Variants in AKAIN1 observed in about 807,000 individuals in gnomAD.
The protein encoded by AKAIN1 is A-kinase anchor inhibitor 1, also known as A-kinase anchor protein inhibitor 1.
Under a neutral mutation model 3.7 loss-of-function variants are expected in AKAIN1, and 3 were observed. The observed-to-expected ratio is 0.82, with a 90% CI of 0.37 to 2.12. The LOEUF (loss-of-function observed/expected upper bound fraction) is 2.12, where lower values mean the gene tolerates loss of function less well. Ranked by LOEUF, AKAIN1 falls within the 30% of genes most tolerant of loss-of-function variation. The pLI is 0.06. For missense variants in AKAIN1, 82 were observed against 82.7 expected (o/e 0.99, Z 0.03); for synonymous variants, 31 against 30.8 (o/e 1.01, Z -0.02).
chr18:5,156,089 C>T (rs866279142), intron 1 of AKAIN1, among the ~76,000 whole-genome samples: 1 of 152,116 alleles, frequency 6.6e-6, no homozygotes, highest in African/African-American at 2.4e-5. Flanking sequence ...CCTGTCCCCA[C>T]TCAGATAAGA....
At chr18:5,188,933 T>C (rs1053793423) in intron 1 of AKAIN1, among the ~76,000 whole-genome samples, 4 of 152,224 alleles carry the variant, frequency 2.6e-5, no homozygotes, top group African/African-American at 9.6e-5. Flanking sequence ...CTTACAATTA[T>C]GACTTTCTTT....
chr18:5,147,899 C>G (rs1447034906), intron 1 of AKAIN1, among the ~76,000 whole-genome samples: 3 of 152,304 alleles, frequency 2.0e-5, no homozygotes, highest in African/African-American at 7.2e-5. Flanking sequence ...TGAAGAGTCA[C>G]GAAGGCATAG....
intron 1 of AKAIN1, among the ~76,000 whole-genome samples, chr18:5,148,198 T>G (rs1203945205): frequency 6.6e-6 from 1 of 152,194 alleles, no homozygotes; most frequent in Non-Finnish European, 1.5e-5. Flanking sequence ...ATAGGACAGC[T>G]CACACAAGAG....
intron 1 of AKAIN1, among the ~76,000 whole-genome samples, chr18:5,193,772 T>C (rs1212796218): frequency 6.6e-6 from 1 of 152,180 alleles, no homozygotes; most frequent in Non-Finnish European, 1.5e-5. Flanking sequence ...AAGAGCACTG[T>C]ATTAGAAGTA....
At chr18:5,170,584 C>T (rs1178767875) in intron 1 of AKAIN1, 1 of 152,092 alleles carries the variant, frequency 6.6e-6, no homozygotes, top group Middle Eastern at 3.2e-3. Context: ...TGTGTGTTGA[C>T]TCATTTAATT....
chr18:5,177,791 A>C (rs750410238), intron 1 of AKAIN1, among the ~76,000 whole-genome samples: 8 of 152,134 alleles, frequency 5.3e-5, no homozygotes, highest in Non-Finnish European at 1.0e-4. Flanking sequence ...TCCCTGTTTG[A>C]AATCTGCAGT....
At position 5,143,383 on chromosome 18, in the gene AKAIN1, C is replaced by G. The variant is rs887767737; in HGVS notation, c.*2179G>C. On this transcript the variant is annotated 3_prime_UTR_variant, in exon 2 of 2. Transcript: ENST00000434239. ...TAGTCATATCTCTGTTCCTTGCTGT[C>G]GATTTTCCATCTCAAAAATTATGGC... 6.6e-6 allele frequency among the ~76,000 whole-genome samples: 1 copy of G among 152,192 alleles called. No individual in the cohort carries two copies. Among genetic ancestry groups the G allele is most frequent in the Non-Finnish European group, 1.5e-5 (1 of 68,040 alleles).
intron 1 of AKAIN1, among the ~76,000 whole-genome samples, chr18:5,149,205 A>G (rs920967155): frequency 6.6e-6 from 1 of 152,200 alleles, no homozygotes; most frequent in Non-Finnish European, 1.5e-5. Context: ...TTGTGGGACA[A>G]AGAGAGCAGC....
chr18:5,192,365 G>A (rs2071323053), intron 1 of AKAIN1, among the ~76,000 whole-genome samples: 1 of 150,342 alleles, frequency 6.7e-6, no homozygotes, highest in South Asian at 2.1e-4. Flanking sequence ...CTACAGGCAT[G>A]TGCAACCACA....
In AKAIN1 at chr18:5,179,736, G is replaced by A. The variant is rs535692955; in HGVS notation, c.16+17302C>T. On this transcript the variant is annotated intron_variant, in intron 1 of 1. Transcript: ENST00000434239. ...TTCAAGTAGAAGATAAACTTCAAGGGCTTAAGTTAGGACACACATCAAATA... is the reference window on the plus strand; with the variant it reads ...TTCAAGTAGAAGATAAACTTCAAGGACTTAAGTTAGGACACACATCAAATA... 7.2e-5 allele frequency among the ~76,000 whole-genome samples: 11 copies of A among 152,220 alleles called. 1 individual carries two copies. The South Asian group carries it at 2.3e-3, about 32-fold the overall frequency.
At chr18:5,167,759 T>G (rs2071175013) in intron 1 of AKAIN1, among the ~76,000 whole-genome samples, 1 of 152,062 alleles carries the variant, frequency 6.6e-6, no homozygotes, top group Non-Finnish European at 1.5e-5. Context: ...CATGTTTACT[T>G]TTTCATCTAG....
At chr18:5,195,992 GA>G (rs1307236194) in intron 1 of AKAIN1, among the ~76,000 whole-genome samples, 1 of 151,944 alleles carries the variant, frequency 6.6e-6, no homozygotes, top group East Asian at 1.9e-4. Flanking sequence ...TTTGCTAATT[GA>G]ATTTTTTGAA....
intron 1 of AKAIN1, among the ~76,000 whole-genome samples, chr18:5,192,550 C>T (rs1371781254): frequency 6.6e-6 from 1 of 151,904 alleles, no homozygotes; most frequent in African/African-American, 2.4e-5. Flanking sequence ...ACAGAAGGTG[C>T]TGTCTATGAG....
chr18:5,155,856 GC>G (rs2143320386), intron 1 of AKAIN1, among the ~76,000 whole-genome samples: 1 of 152,314 alleles, frequency 6.6e-6, no homozygotes, highest in South Asian at 2.1e-4. Context: ...CGTAGCCTCT[GC>G]TATGTCCTAG....
intron 1 of AKAIN1, among the ~76,000 whole-genome samples, chr18:5,157,648 T>A (rs2071115737): frequency 6.6e-6 from 1 of 152,212 alleles, no homozygotes; most frequent in African/African-American, 2.4e-5. Flanking sequence ...TATGCATGAC[T>A]CGTTACCACT....
At chr18:5,186,999 T>C (rs994176789) in intron 1 of AKAIN1, among the ~76,000 whole-genome samples, 1 of 151,970 alleles carries the variant, frequency 6.6e-6, no homozygotes, top group African/African-American at 2.4e-5. Flanking sequence ...TGAATGAAAA[T>C]GAAAATACAA....
chr18:5,170,362 T>C (rs187112128), intron 1 of AKAIN1, among the ~76,000 whole-genome samples: 1 of 152,138 alleles, frequency 6.6e-6, no homozygotes, highest in Non-Finnish European at 1.5e-5. Context: ...TTTTCCATAA[T>C]GTGACCTGTA....
At position 5,193,220 on chromosome 18, in the gene AKAIN1, G is replaced by T. The variant is rs8096117; in HGVS notation, c.16+3818C>A. On this transcript the variant is annotated intron_variant, in intron 1 of 1. Transcript: ENST00000434239. ...AAGCTTAGATGTCAAGAGACTGGCT[G>T]TCTTTTTGCTTACAATTACACCATT... Among the ~76,000 whole-genome samples, 732 of 152,310 alleles carry T rather than the reference G, an allele frequency of 4.8e-3. 8 individuals are homozygous for T. The highest frequency in any genetic ancestry group is 0.017 in the African/African-American group (689 of 41,562).
intron 1 of AKAIN1, among the ~76,000 whole-genome samples, chr18:5,189,009 C>T (rs1053859048): frequency 1.3e-5 from 2 of 152,168 alleles, no homozygotes; most frequent in African/African-American, 4.8e-5. Context: ...GAATTAGCTT[C>T]ATGTAGATGC....
Sources: allele counts gnomAD v4.1 joint callset (sites outside exome capture counted in the v4.1 genomes callset), GRCh38; gene constraint gnomAD v4.1.1; transcripts MANE v1.5; gene names NCBI Gene and HGNC (gene_info 2026-07-23, HGNC 2026-07-21).